Variants in TXK observed in about 807,000 individuals in gnomAD.
TXK encodes TXK tyrosine kinase, also known as tyrosine-protein kinase TXK.
A neutral mutation model predicts 81.0 loss-of-function variants in TXK; 60 were observed. The ratio of observed to expected loss-of-function variants is 0.74; its 90% CI spans 0.60 to 0.92. The LOEUF is 0.92. Ranked by LOEUF, TXK falls within the 40% of genes least tolerant of loss-of-function variation. The pLI, the probability that TXK is intolerant of heterozygous loss-of-function variation, is 0.00. For synonymous variants in TXK, 203 were observed against 210.7 expected, an observed-to-expected ratio of 0.96 and a Z score of 0.32; for missense variants, 581 against 638.3, an observed-to-expected ratio of 0.91 and a Z score of 0.97.
At position 48,107,758 on chromosome 4, in the gene TXK, C is replaced by G. The variant is rs11941225; in HGVS notation, c.446+2780G>C. Among the ~76,000 whole-genome samples, 10 of 151,824 alleles carry G rather than the reference C, an allele frequency of 6.6e-5. No individual in the cohort carries two copies. The South Asian group carries it at 1.5e-3, about 22-fold the overall frequency. On this transcript the variant is annotated intron_variant, in intron 5 of 14. Transcript: ENST00000264316. ...CAGGCTCCAGTGTATCATAACACTA[C>G]GATTTAAAATTGTACATTTATGGGC...
intron 5 of TXK, 64 bp from the exon 6 acceptor site, chr4:48,105,019 C>T: frequency 8.7e-7 from 1 of 1,150,310 alleles, no homozygotes; most frequent in Non-Finnish European, 1.2e-6. Flanking sequence ...AAAAGTGCTT[C>T]ATTTTCTTCA....
At chr4:48,127,745 G>C (rs766478638) in intron 1 of TXK, among the ~76,000 whole-genome samples, 3 of 150,506 alleles carry the variant, frequency 2.0e-5, no homozygotes, top group Non-Finnish European at 4.4e-5. Flanking sequence ...AAAGGGCATC[G>C]CATCAGATGT....
intron 9 of TXK, among the ~76,000 whole-genome samples, chr4:48,088,762 G>A (rs1200658175): frequency 1.3e-5 from 2 of 152,002 alleles, no homozygotes; most frequent in Non-Finnish European, 2.9e-5. Context: ...TACTATCTGT[G>A]GGCCAGAGGA....
At chr4:48,079,327 T>A (rs2109406994) in intron 11 of TXK, among the ~76,000 whole-genome samples, 1 of 152,326 alleles carries the variant, frequency 6.6e-6, no homozygotes, top group South Asian at 2.1e-4. Context: ...GGCTACAAGA[T>A]TCTGATTCTC....
At chr4:48,120,400 C>T (rs1201975516) in intron 1 of TXK, among the ~76,000 whole-genome samples, 1 of 150,904 alleles carries the variant, frequency 6.6e-6, no homozygotes, top group East Asian at 1.9e-4. Context: ...TATGCAGTTA[C>T]TTTAGCTGTT....
rs79703431 is a variant in TXK at position 48,124,639 on chromosome 4, G to A, written c.16+9516C>T. ...GGCCACAGAGAAAGCTAAGCTGACC[G>A]TGACCTTTTGACTGAGTGGAACGGC... On this transcript the variant is annotated intron_variant, in intron 1 of 14. Coordinates refer to ENST00000264316, the MANE Select transcript of TXK (RefSeq NM_003328.3). Among the ~76,000 whole-genome samples the A allele has an allele frequency of 7.1e-3, 1,084 of 151,932 alleles. 15 individuals carry two copies. Among genetic ancestry groups the A allele is most frequent in the African/African-American group, 0.024 (1,012 of 41,390 alleles).
Position 48,098,858 on chromosome 4 carries a change from G to A in TXK, c.502-3636C>T, listed in dbSNP as rs190285719. Among the ~76,000 whole-genome samples, 112 of 152,128 alleles carry A rather than the reference G, an allele frequency of 7.4e-4. 1 individual carries two copies. In the East Asian group the frequency reaches 0.012, roughly 16 times the overall value. On this transcript the variant is annotated intron_variant, in intron 6 of 14. Coordinates refer to ENST00000264316, the MANE Select transcript of TXK (RefSeq NM_003328.3). The stretch of plus-strand genomic sequence containing the variant: ...TGAGGCACGAGAATTGCTTGAACCC[G>A]GGAGGCAGAGGCTGCAGTGAGCTGA...
chr4:48,105,056 G>A, intron 5 of TXK, 101 bp from the exon 6 acceptor site: 1 of 735,510 alleles, frequency 1.4e-6, no homozygotes, highest in East Asian at 3.1e-5. Context: ...TCAGAACTGA[G>A]CTTAGAAAGT....
At chr4:48,085,324 T>C (rs1193401979) in intron 10 of TXK, among the ~76,000 whole-genome samples, 4 of 152,124 alleles carry the variant, frequency 2.6e-5, no homozygotes, top group Admixed American at 2.6e-4. Context: ...TTAACTCTTT[T>C]TGGCCACCGG....
At chr4:48,075,062 C>G (rs1490070015) in intron 12 of TXK, among the ~76,000 whole-genome samples, 1 of 151,828 alleles carries the variant, frequency 6.6e-6, no homozygotes, top group Admixed American at 6.6e-5. Context: ...TTGGGGGGAT[C>G]TTTTTCCCCC....
At chr4:48,076,600 A>C (rs1457179532) in intron 11 of TXK, 134 bp from the exon 12 acceptor site, 2 of 673,274 alleles carry the variant, frequency 3.0e-6, no homozygotes, top group Non-Finnish European at 5.2e-6. Context: ...TTATGGTGAT[A>C]TCCATCAATG....
intron 4 of TXK, among the ~76,000 whole-genome samples, chr4:48,111,395 C>T (rs145568487): frequency 5.3e-5 from 8 of 152,236 alleles, no homozygotes; most frequent in Middle Eastern, 3.4e-3. Context: ...TTTGGGGAGA[C>T]ACTTGGGTTT....
At chr4:48,102,327 A>G (rs900834226) in intron 6 of TXK, among the ~76,000 whole-genome samples, 2 of 152,244 alleles carry the variant, frequency 1.3e-5, no homozygotes, top group African/African-American at 2.4e-5. Context: ...GCACTATAGA[A>G]AAATGGACAA....
chr4:48,081,581 C>T (rs1226427975), intron 10 of TXK, among the ~76,000 whole-genome samples: 1 of 151,764 alleles, frequency 6.6e-6, no homozygotes, highest in Non-Finnish European at 1.5e-5. Flanking sequence ...ATTTTCAGAC[C>T]CTTTGCAGGC....
intron 5 of TXK, chr4:48,106,178 G>A (rs1426605665): frequency 6.6e-6 from 1 of 152,110 alleles, no homozygotes; most frequent in South Asian, 2.1e-4. Context: ...ATGTGCTGCC[G>A]AAGCAAGCAC....
chr4:48,103,356 G>C lies in TXK; in HGVS notation c.501+1545C>G, dbSNP rs1416634009. Among the ~76,000 whole-genome samples, 3 of 152,126 alleles carry C rather than the reference G, an allele frequency of 2.0e-5. 1 individual carries two copies. Among genetic ancestry groups the C allele is most frequent in the South Asian group, 4.1e-4 (2 of 4,820 alleles). On this transcript the variant is annotated intron_variant, in intron 6 of 14. Coordinates refer to ENST00000264316, the MANE Select transcript of TXK (RefSeq NM_003328.3). ...GTCACCTTACAAAAGGCCATTTGCT[G>C]TGACCATACCAGGAAAATAGCATAT...
chr4:48,121,438 T>C (rs911003482), intron 1 of TXK, among the ~76,000 whole-genome samples: 1 of 152,156 alleles, frequency 6.6e-6, no homozygotes, highest in East Asian at 1.9e-4. Flanking sequence ...ATCAAGAAAG[T>C]TTGCTGACTG....
chr4:48,071,758 A>G, intron 13 of TXK, 84 bp from the exon 14 acceptor site: 1 of 1,493,300 alleles, frequency 6.7e-7, no homozygotes. Context: ...ACTACAAGGC[A>G]TTATTTTTGT....
chr4:48,121,831 T>C (rs1258594548), intron 1 of TXK, among the ~76,000 whole-genome samples: 4 of 152,144 alleles, frequency 2.6e-5, no homozygotes, highest in African/African-American at 9.7e-5. Flanking sequence ...TTTGGGATGA[T>C]GAAAAAGTTT....
Sources: allele counts gnomAD v4.1 joint callset (sites outside exome capture counted in the v4.1 genomes callset), GRCh38; gene constraint gnomAD v4.1.1; transcripts MANE v1.5; gene names NCBI Gene and HGNC (gene_info 2026-07-23, HGNC 2026-07-21).